The following PTPN11 variants were observed in gnomAD, a reference collection of about 807,000 sequenced individuals.
The protein encoded by PTPN11 is tyrosine-protein phosphatase non-receptor type 11.
PTPN11 carries 6 observed loss-of-function variants against 78.8 expected under a neutral mutation model. The observed-to-expected ratio is 0.08, with a 90% CI of 0.04 to 0.15. The LOEUF is 0.15. Ranked by LOEUF, PTPN11 falls within the 10% of genes least tolerant of loss-of-function variation. The pLI is 1.00. For missense variants in PTPN11, 386 were observed against 744.8 expected (o/e 0.52, Z 5.61); for synonymous variants, 221 against 263.5 (o/e 0.84, Z 1.56).
chr12:112,452,679 C>T (rs2038095724), intron 3 of PTPN11, among the ~76,000 whole-genome samples: 1 of 152,146 alleles, frequency 6.6e-6, no homozygotes, highest in Non-Finnish European at 1.5e-5. Flanking sequence ...AGGCAGTTGC[C>T]ACCATGCCAG....
chr12:112,434,435 C>T (rs1044804194), intron 1 of PTPN11, among the ~76,000 whole-genome samples: 36 of 151,864 alleles, frequency 2.4e-4, no homozygotes, highest in African/African-American at 8.7e-4. Flanking sequence ...TGGTGAAACC[C>T]GGTCTCTACT....
intron 1 of PTPN11, among the ~76,000 whole-genome samples, chr12:112,426,866 G>C (rs1483135381): frequency 6.6e-6 from 1 of 151,692 alleles, no homozygotes; most frequent in Non-Finnish European, 1.5e-5. Flanking sequence ...TGAACTCTGG[G>C]GCTCAACCTA....
Position 112,483,931 on chromosome 12 carries a change from T to C in PTPN11, c.1224+1726T>C, listed in dbSNP as rs141025851. Among the ~76,000 whole-genome samples the C allele has an allele frequency of 3.9e-5, 6 of 152,134 alleles. No individual in the cohort carries two copies. The East Asian group carries it at 1.2e-3, about 30-fold the overall frequency. ...TTTTGTGAACACACAAAGTTTGAGA[T>C]GCCTTGGACACATTGAAGTGGAGCG... On this transcript the variant is annotated intron_variant, in intron 10 of 15. Transcript: ENST00000351677.
intron 1 of PTPN11, among the ~76,000 whole-genome samples, chr12:112,445,784 G>A (rs1199889855): frequency 6.6e-6 from 1 of 151,868 alleles, no homozygotes; most frequent in African/African-American, 2.4e-5. Flanking sequence ...TGGGATTACA[G>A]GCATGCACCA....
chr12:112,440,698 C>G lies in PTPN11; in HGVS notation c.15-5578C>G, dbSNP rs7296254. On this transcript the variant is annotated intron_variant, in intron 1 of 15. Coordinates refer to ENST00000351677, the MANE Select transcript of PTPN11 (RefSeq NM_002834.5). Reference sequence around the variant, plus strand: ...AAGTGATTCTCCTGCCTCAGCCTCCCGAGTATCTGAGATTACAGATGTGTG... The same window carrying G: ...AAGTGATTCTCCTGCCTCAGCCTCCGGAGTATCTGAGATTACAGATGTGTG... Among the ~76,000 whole-genome samples, 832 of 150,082 alleles carry G rather than the reference C, an allele frequency of 5.5e-3. 7 individuals are homozygous for G. Among genetic ancestry groups the G allele is most frequent in the African/African-American group, 0.019 (787 of 40,872 alleles).
intron 13 of PTPN11, among the ~76,000 whole-genome samples, chr12:112,491,903 C>T (rs150702469): frequency 8.6e-4 from 131 of 152,290 alleles, no homozygotes; most frequent in East Asian, 8.1e-3. Flanking sequence ...GATGGAGCTT[C>T]GCCGTGTTGC....
At chr12:112,477,313 A>C (rs2038520364) in intron 7 of PTPN11, among the ~76,000 whole-genome samples, 1 of 152,128 alleles carries the variant, frequency 6.6e-6, no homozygotes, top group Admixed American at 6.6e-5. Flanking sequence ...GCCCAGCCCA[A>C]AATTTCTTGG....
intron 6 of PTPN11, among the ~76,000 whole-genome samples, chr12:112,465,485 G>A (rs917241230): frequency 5.9e-5 from 9 of 151,974 alleles, no homozygotes; most frequent in Non-Finnish European, 1.2e-4. Context: ...AGTCCTATAG[G>A]CCTGAGCTGC....
chr12:112,432,945 C>T (rs1287780633), intron 1 of PTPN11, among the ~76,000 whole-genome samples: 1 of 151,932 alleles, frequency 6.6e-6, no homozygotes, highest in African/African-American at 2.4e-5. Flanking sequence ...ACTGAAACCT[C>T]CACCTCCTGG....
At chr12:112,491,614 C>G (rs1331680612) in intron 13 of PTPN11, among the ~76,000 whole-genome samples, 1 of 152,190 alleles carries the variant, frequency 6.6e-6, no homozygotes, top group Admixed American at 6.5e-5. Flanking sequence ...TGATATAACA[C>G]TATTATCTAA....
At chr12:112,492,733 G>A (rs1318755402) in intron 13 of PTPN11, among the ~76,000 whole-genome samples, 3 of 151,978 alleles carry the variant, frequency 2.0e-5, no homozygotes, top group Non-Finnish European at 4.4e-5. Flanking sequence ...TAGCCAGGAT[G>A]GTCTTGATCT....
At chr12:112,462,858 A>G (rs2038268772) in intron 6 of PTPN11, among the ~76,000 whole-genome samples, 1 of 152,204 alleles carries the variant, frequency 6.6e-6, no homozygotes, top group Admixed American at 6.5e-5. Context: ...AATGTATCAC[A>G]GAGAGGATTA....
chr12:112,446,467 G>A, intron 2 of PTPN11, 69 bp downstream of exon 2: 1 of 1,607,096 alleles, frequency 6.2e-7, no homozygotes, highest in Non-Finnish European at 8.5e-7. Flanking sequence ...ACCATGCTTG[G>A]ATAGCTTGCT....
At chr12:112,444,891 C>G (rs1208331212) in intron 1 of PTPN11, among the ~76,000 whole-genome samples, 1 of 152,046 alleles carries the variant, frequency 6.6e-6, no homozygotes, top group Non-Finnish European at 1.5e-5. Context: ...TTTACTGCCC[C>G]AACGCTGGGA....
intron 13 of PTPN11, among the ~76,000 whole-genome samples, chr12:112,497,935 T>G (rs1160654212): frequency 6.6e-6 from 1 of 152,122 alleles, no homozygotes; most frequent in East Asian, 1.9e-4. Flanking sequence ...GGTGGATTGC[T>G]TGAGGCCAAG....
intron 2 of PTPN11, among the ~76,000 whole-genome samples, chr12:112,449,835 G>A (rs2038053491): frequency 6.6e-6 from 1 of 152,102 alleles, no homozygotes; most frequent in Non-Finnish European, 1.5e-5. Flanking sequence ...GGAGGCCGAG[G>A]TGGGTGGATC....
chr12:112,496,453 G>T (rs2038815450), intron 13 of PTPN11, among the ~76,000 whole-genome samples: 1 of 152,052 alleles, frequency 6.6e-6, no homozygotes, highest in African/African-American at 2.4e-5. Context: ...CTGCTTCTAG[G>T]CCCTCTCAGC....
chr12:112,459,356 A>G (rs1007716262), intron 6 of PTPN11, among the ~76,000 whole-genome samples: 4 of 152,050 alleles, frequency 2.6e-5, no homozygotes, highest in African/African-American at 9.7e-5. Flanking sequence ...AGCATTAACA[A>G]CTGTTGATAA....
At chr12:112,444,521 A>G (rs1251991075) in intron 1 of PTPN11, among the ~76,000 whole-genome samples, 1 of 151,952 alleles carries the variant, frequency 6.6e-6, no homozygotes, top group Non-Finnish European at 1.5e-5. Flanking sequence ...TTGTATTTTT[A>G]GTAGAGATGG....
Sources: gnomAD v4.1 joint callset for allele counts (sites outside exome capture counted in the v4.1 genomes callset) on GRCh38, gnomAD v4.1.1 for gene constraint, MANE v1.5 for transcripts, NCBI Gene and HGNC (gene_info 2026-07-23, HGNC 2026-07-21) for gene names.